NSMCE2: variants seen among roughly 807,000 people sequenced by gnomAD.
NSMCE2 encodes E3 SUMO-protein ligase NSE2.
NSMCE2 carries 24 observed loss-of-function variants against 23.8 expected under a neutral mutation model. That is an observed-to-expected ratio of 1.01 (90% CI 0.73 to 1.42). NSMCE2 has a LOEUF of 1.42. Ranked by LOEUF, NSMCE2 falls within the 40% of genes most tolerant of loss-of-function variation. The pLI is 0.00. For synonymous variants in NSMCE2, 92 were observed against 94.1 expected (o/e 0.98, Z 0.13); for missense variants, 284 against 296.5 (o/e 0.96, Z 0.31).
chr8:125,124,882 C>T (rs1819439112), intron 3 of NSMCE2, among the ~76,000 whole-genome samples: 1 of 152,000 alleles, frequency 6.6e-6, no homozygotes. Flanking sequence ...GCAGCCTCCA[C>T]CTCCTGGGTT....
At chr8:125,221,766 G>A (rs986288566) in intron 5 of NSMCE2, among the ~76,000 whole-genome samples, 2 of 152,086 alleles carry the variant, frequency 1.3e-5, no homozygotes, top group East Asian at 1.9e-4. Flanking sequence ...TAATAATGTC[G>A]TGCATGAAAC....
intron 5 of NSMCE2, among the ~76,000 whole-genome samples, chr8:125,293,618 A>T (rs1158700208): frequency 7.4e-6 from 1 of 134,366 alleles, no homozygotes; most frequent in African/African-American, 3.0e-5. Flanking sequence ...GAGTAGAGGT[A>T]ACAGGATTAC....
chr8:125,272,180 ATTTTTTTGTAT>A (rs1439488223), intron 5 of NSMCE2, among the ~76,000 whole-genome samples: 1 of 151,310 alleles, frequency 6.6e-6, no homozygotes, highest in African/African-American at 2.4e-5. Flanking sequence ...TGCCTGTCGA[ATTTTTTTGTAT>A]TTTTAGTAGA....
intron 3 of NSMCE2, among the ~76,000 whole-genome samples, chr8:125,124,788 T>TTTG (rs547507136): frequency 3.6e-4 from 55 of 151,772 alleles, no homozygotes; most frequent in South Asian, 2.3e-3. Flanking sequence ...TCCTCAGGAT[T>TTTG]TTGTTGTTGT....
chr8:125,344,926 T>A (rs1019601867), intron 5 of NSMCE2, among the ~76,000 whole-genome samples: 2 of 152,074 alleles, frequency 1.3e-5, no homozygotes, highest in Admixed American at 1.3e-4. Flanking sequence ...TACAGTTCTC[T>A]TAAATTCTCA....
intron 1 of NSMCE2, 119 bp from the exon 2 acceptor site, chr8:125,101,932 A>T (rs1264668016): frequency 1.3e-5 from 2 of 156,316 alleles, no homozygotes; most frequent in Admixed American, 6.3e-5. Context: ...TTTACTAATA[A>T]ACTATTTTAT....
intron 5 of NSMCE2, among the ~76,000 whole-genome samples, chr8:125,230,473 C>T (rs1002797102): frequency 7.9e-5 from 12 of 152,102 alleles, no homozygotes; most frequent in African/African-American, 2.7e-4. Flanking sequence ...ATGTTCAAAG[C>T]GTGAACATCC....
intron 5 of NSMCE2, among the ~76,000 whole-genome samples, chr8:125,253,464 C>T (rs1157698619): frequency 2.6e-5 from 4 of 152,110 alleles, no homozygotes; most frequent in Admixed American, 6.6e-5. Flanking sequence ...TGCAGAGTTT[C>T]GGGTGGAGTT....
At chr8:125,311,316 AC>A (rs1828964637) in intron 5 of NSMCE2, among the ~76,000 whole-genome samples, 2 of 152,280 alleles carry the variant, frequency 1.3e-5, no homozygotes, top group South Asian at 4.1e-4. Context: ...TTCATTTAAA[AC>A]CTAGAATCTT....
intron 5 of NSMCE2, among the ~76,000 whole-genome samples, chr8:125,347,228 C>T (rs1010577087): frequency 6.6e-6 from 1 of 152,100 alleles, no homozygotes; most frequent in African/African-American, 2.4e-5. Flanking sequence ...CCAAGAGCAC[C>T]CTGCTGATAA....
At chr8:125,315,153 G>C (rs1829131262) in intron 5 of NSMCE2, among the ~76,000 whole-genome samples, 1 of 151,882 alleles carries the variant, frequency 6.6e-6, no homozygotes, top group Non-Finnish European at 1.5e-5. Context: ...TTGTGTGTTA[G>C]GAACAGAGAG....
chr8:125,179,679 G>A (rs181803376), intron 4 of NSMCE2, among the ~76,000 whole-genome samples: 138 of 152,266 alleles, frequency 9.1e-4, no homozygotes, highest in African/African-American at 3.3e-3. Flanking sequence ...TGGTTATGGG[G>A]GGAAAGCACA....
chr8:125,130,834 C>T lies in NSMCE2; in HGVS notation c.158-20337C>T, dbSNP rs376798358. ...TTTTCCCTGCTGATTTGTAATTTCC[C>T]TCACCAACATTAAGAAACTGGACTC... On this transcript the variant is annotated intron_variant, in intron 3 of 7. Transcript: ENST00000287437. 3.3e-5 allele frequency among the ~76,000 whole-genome samples: 5 copies of T among 152,258 alleles called. No individual in the cohort carries two copies. The East Asian group carries it at 9.6e-4, about 29-fold the overall frequency.
chr8:125,335,617 G>A (rs1287787187), intron 5 of NSMCE2, among the ~76,000 whole-genome samples: 1 of 152,186 alleles, frequency 6.6e-6, no homozygotes, highest in African/African-American at 2.4e-5. Context: ...CATGCAGTGA[G>A]GGTGGGAAAA....
chr8:125,274,449 T>TTGTG (rs1309168708), intron 5 of NSMCE2, among the ~76,000 whole-genome samples: 2 of 152,144 alleles, frequency 1.3e-5, no homozygotes, highest in African/African-American at 2.4e-5. Flanking sequence ...GCTTTCTGAG[T>TTGTG]TGTGAGTCAA....
In NSMCE2 at chr8:125,144,473, A is replaced by G. The variant is rs116824114; in HGVS notation, c.158-6698A>G. Among the ~76,000 whole-genome samples, 768 of 152,296 alleles carry G rather than the reference A, an allele frequency of 5.0e-3. 8 individuals are homozygous for G. The highest frequency in any genetic ancestry group is 0.018 in the African/African-American group (740 of 41,570). On this transcript the variant is annotated intron_variant, in intron 3 of 7. Transcript: ENST00000287437. ...ATTATACTGAACAAATACGGTATGAACAGACCTTAGACAATGCTGGAACTG... is the reference window on the plus strand; with the variant it reads ...ATTATACTGAACAAATACGGTATGAGCAGACCTTAGACAATGCTGGAACTG...
intron 5 of NSMCE2, among the ~76,000 whole-genome samples, chr8:125,287,856 A>G (rs1478522104): frequency 1.3e-5 from 2 of 152,170 alleles, no homozygotes; most frequent in Non-Finnish European, 2.9e-5. Flanking sequence ...CCAGTTTTCC[A>G]ATCCATATCT....
At chr8:125,098,812 A>T (rs1236413561) in intron 1 of NSMCE2, among the ~76,000 whole-genome samples, 1 of 152,006 alleles carries the variant, frequency 6.6e-6, no homozygotes, top group Non-Finnish European at 1.5e-5. Flanking sequence ...GTAGGGTGGG[A>T]GAGAAGGAAT....
intron 3 of NSMCE2, among the ~76,000 whole-genome samples, chr8:125,130,751 T>A (rs890391584): frequency 6.6e-6 from 1 of 152,222 alleles, no homozygotes; most frequent in African/African-American, 2.4e-5. Flanking sequence ...AAGGGGAACA[T>A]GTGTTCACAC....
Sources: gnomAD v4.1 joint callset for allele counts (sites outside exome capture counted in the v4.1 genomes callset) on GRCh38, gnomAD v4.1.1 for gene constraint, MANE v1.5 for transcripts, NCBI Gene and HGNC (gene_info 2026-07-23, HGNC 2026-07-21) for gene names.